Variants in FNDC3A observed in about 807,000 individuals in gnomAD.
FNDC3A encodes fibronectin type-III domain-containing protein 3A.
In FNDC3A, 32 loss-of-function variants were observed where a neutral mutation model predicts 148.9. The ratio of observed to expected loss-of-function variants is 0.21; its 90% CI spans 0.16 to 0.29. The LOEUF (loss-of-function observed/expected upper bound fraction) is 0.29. Among genes scored for constraint, FNDC3A ranks in the 10% least tolerant of loss-of-function variants. FNDC3A has a pLI of 1.00. For synonymous variants in FNDC3A, 472 were observed against 473.6 expected (o/e 1.00, Z 0.04); for missense variants, 1,191 against 1,452.8 (o/e 0.82, Z 2.93).
At chr13:49,201,194 T>C in intron 23 of FNDC3A, 1 of 297,408 alleles carries the variant, frequency 3.4e-6, no homozygotes, top group Non-Finnish European at 6.8e-6. Context: ...AGGAGAAATA[T>C]GTATGATATT....
At chr13:49,139,256 GTT>G in intron 7 of FNDC3A, among the ~76,000 whole-genome samples, 1 of 152,142 alleles carries the variant, frequency 6.6e-6, no homozygotes, top group Non-Finnish European at 1.5e-5. Flanking sequence ...AGCATGGGGA[GTT>G]GGACAGAGGG....
intron 2 of FNDC3A, among the ~76,000 whole-genome samples, chr13:49,054,126 G>A (rs1236567820): frequency 6.6e-6 from 1 of 152,074 alleles, no homozygotes; most frequent in African/African-American, 2.4e-5. Flanking sequence ...CACTCCTTTC[G>A]CATCATGGTC....
intron 3 of FNDC3A, among the ~76,000 whole-genome samples, chr13:49,090,414 AAAAAC>A (rs1393970170): frequency 2.6e-5 from 4 of 152,298 alleles, no homozygotes; most frequent in Admixed American, 1.3e-4. Flanking sequence ...ACTCCGTCTC[AAAAAC>A]AAAACAAAAC....
intron 1 of FNDC3A, among the ~76,000 whole-genome samples, chr13:48,982,497 A>G (rs1464288975): frequency 6.6e-6 from 1 of 152,150 alleles, no homozygotes; most frequent in East Asian, 1.9e-4. Flanking sequence ...CTTGAACCTT[A>G]CTAAAACTGG....
At chr13:49,151,019 T>C (rs977014153) in intron 8 of FNDC3A, among the ~76,000 whole-genome samples, 2 of 152,056 alleles carry the variant, frequency 1.3e-5, no homozygotes, top group Non-Finnish European at 1.5e-5. Context: ...GAATGTTTCA[T>C]GTTTCATGTG....
intron 3 of FNDC3A, among the ~76,000 whole-genome samples, chr13:49,078,326 T>A (rs1878252588): frequency 6.6e-6 from 1 of 152,228 alleles, no homozygotes; most frequent in African/African-American, 2.4e-5. Context: ...GCCTATCTAA[T>A]TTATAATGTG....
intron 3 of FNDC3A, among the ~76,000 whole-genome samples, chr13:49,086,918 T>G (rs1376146493): frequency 6.6e-6 from 1 of 152,144 alleles, no homozygotes; most frequent in Non-Finnish European, 1.5e-5. Flanking sequence ...CATTCATAAA[T>G]TCAGCCCATT....
intron 13 of FNDC3A, among the ~76,000 whole-genome samples, chr13:49,178,175 G>A (rs1290929989): frequency 1.3e-5 from 2 of 152,104 alleles, no homozygotes; most frequent in Non-Finnish European, 2.9e-5. Context: ...TGTGTTAAAG[G>A]CAAGTTAAAT....
At chr13:49,203,037 TA>T in intron 24 of FNDC3A, 119 bp from the exon 25 acceptor site, 2 of 702,660 alleles carry the variant, frequency 2.8e-6, no homozygotes, top group South Asian at 4.4e-5. Flanking sequence ...CACTGATACT[TA>T]TTTCAAGTTT....
intron 8 of FNDC3A, chr13:49,146,580 T>C (rs929124110): frequency 1.3e-5 from 2 of 152,042 alleles, no homozygotes; most frequent in African/African-American, 4.8e-5. Context: ...TTACTAAAAA[T>C]ATAAAAATTA....
At chr13:49,158,198 G>A (rs571047513) in intron 8 of FNDC3A, among the ~76,000 whole-genome samples, 9 of 152,314 alleles carry the variant, frequency 5.9e-5, no homozygotes, top group African/African-American at 1.7e-4. Context: ...GACCCTCCGA[G>A]CCAGGTGCAG....
At chr13:49,094,473 G>A (rs191641965) in intron 3 of FNDC3A, among the ~76,000 whole-genome samples, 105 of 152,196 alleles carry the variant, frequency 6.9e-4, no homozygotes, top group African/African-American at 2.3e-3. Flanking sequence ...TGTAGATTAT[G>A]TAGAAGATAG....
intron 3 of FNDC3A, among the ~76,000 whole-genome samples, chr13:49,081,637 G>C (rs1878478236): frequency 6.6e-6 from 1 of 152,120 alleles, no homozygotes; most frequent in Non-Finnish European, 1.5e-5. Flanking sequence ...TGGAACCATA[G>C]AACCCAAGAC....
At chr13:49,073,356 G>A (rs1301745514) in intron 2 of FNDC3A, among the ~76,000 whole-genome samples, 1 of 151,980 alleles carries the variant, frequency 6.6e-6, no homozygotes, top group Non-Finnish European at 1.5e-5. Context: ...AAAAGAGCTG[G>A]TAACAAACTT....
chr13:49,074,444 G>A (rs1877956112), intron 2 of FNDC3A, among the ~76,000 whole-genome samples: 1 of 152,152 alleles, frequency 6.6e-6, no homozygotes, highest in African/African-American at 2.4e-5. Context: ...CTATCATGAG[G>A]AAACAATACT....
At chr13:49,083,565 G>A (rs1029298578) in intron 3 of FNDC3A, among the ~76,000 whole-genome samples, 3 of 151,992 alleles carry the variant, frequency 2.0e-5, no homozygotes, top group Non-Finnish European at 4.4e-5. Context: ...TCATAGAAGC[G>A]TGAAATCACC....
At chr13:49,168,209 A>C (rs998347510) in intron 9 of FNDC3A, among the ~76,000 whole-genome samples, 7 of 152,184 alleles carry the variant, frequency 4.6e-5, no homozygotes, top group Non-Finnish European at 8.8e-5. Context: ...GATATACTCA[A>C]AGTATTGTCC....
chr13:49,124,715 T>C (rs181006870), intron 4 of FNDC3A, among the ~76,000 whole-genome samples: 33 of 152,268 alleles, frequency 2.2e-4, no homozygotes, highest in Admixed American at 2.1e-3. Context: ...GGCAGAAATA[T>C]GTGCCAGTGG....
At chr13:49,103,210 G>C (rs1879967865) in intron 3 of FNDC3A, among the ~76,000 whole-genome samples, 1 of 152,154 alleles carries the variant, frequency 6.6e-6, no homozygotes, top group Admixed American at 6.5e-5. Flanking sequence ...GAATTAGATG[G>C]GCTAGCTGAG....
Sources: allele counts gnomAD v4.1 joint callset (sites outside exome capture counted in the v4.1 genomes callset), GRCh38; gene constraint gnomAD v4.1.1; transcripts MANE v1.5; gene names NCBI Gene and HGNC (gene_info 2026-07-23, HGNC 2026-07-21).